SPATA4: variants seen among roughly 807,000 people sequenced by gnomAD.
SPATA4 encodes the protein spermatogenesis-associated protein 4.
Under a neutral mutation model 31.8 loss-of-function variants are expected in SPATA4, and 35 were observed. The ratio of observed to expected loss-of-function variants is 1.10; its 90% CI spans 0.84 to 1.46. The LOEUF (loss-of-function observed/expected upper bound fraction) is 1.46, where lower values mean the gene tolerates loss of function less well. Ranked by LOEUF, SPATA4 falls within the 40% of genes most tolerant of loss-of-function variation. SPATA4 has a pLI of 0.00. For missense variants in SPATA4, 394 were observed against 363.1 expected, an observed-to-expected ratio of 1.09 and a Z score of -0.69; for synonymous variants, 126 against 132.4, an observed-to-expected ratio of 0.95 and a Z score of 0.33.
chr4:176,184,771 A>G lies in SPATA4; in HGVS notation c.*9T>C. ...CATCACTTCTTCAAAGCCATTTGACAGGTGCTTTTCAAGGTTTCTTGTCCA... is the reference window on the plus strand; with the variant it reads ...CATCACTTCTTCAAAGCCATTTGACGGGTGCTTTTCAAGGTTTCTTGTCCA... On this transcript the variant is annotated 3_prime_UTR_variant, in exon 6 of 6. Coordinates refer to ENST00000280191, the MANE Select transcript of SPATA4 (RefSeq NM_144644.4). The G allele has an allele frequency of 6.4e-7, 1 of 1,554,964 alleles. No individual in the cohort carries two copies. The highest frequency in any genetic ancestry group is 8.8e-7 in the Non-Finnish European group (1 of 1,141,324).
Position 176,192,747 on chromosome 4 carries a change from C to T in SPATA4, c.568G>A (p.Asp190Asn). ...SRSTVSKSIK[D>N]NIRLSELLSN... ...AGTAATTCTGATAACCTAATGTTAT[C>T]TTTAATAGACTTCGAAACTGTAGAC... Residue 190 changes from aspartate (D) to asparagine (N), a missense_variant, in exon 4 of 6, where the codon GAT (aspartate) becomes AAT (asparagine). By Grantham distance (23) the Asp-to-Asn change is conservative (BLOSUM62 1). Coordinates refer to ENST00000280191, the MANE Select transcript of SPATA4 (RefSeq NM_144644.4). 6.2e-7 allele frequency: 1 copy of T among 1,614,092 alleles called. No homozygotes were observed. The highest frequency in any genetic ancestry group is 8.5e-7 in the Non-Finnish European group (1 of 1,179,978).
At chr4:176,195,268 C>G in intron 1 of SPATA4, 77 bp downstream of exon 1, 1 of 1,446,124 alleles carries the variant, frequency 6.9e-7, no homozygotes, top group Admixed American at 1.7e-5. Flanking sequence ...CCAGGGTAGG[C>G]AATCTGAGGC....
At chr4:176,192,168 G>T (rs913516112) in intron 4 of SPATA4, among the ~76,000 whole-genome samples, 3 of 152,190 alleles carry the variant, frequency 2.0e-5, no homozygotes, top group Non-Finnish European at 4.4e-5. Context: ...CGTCTGGAAA[G>T]TTGCCATGAT....
At chr4:176,190,029 A>C (rs973561653) in intron 4 of SPATA4, among the ~76,000 whole-genome samples, 5 of 152,068 alleles carry the variant, frequency 3.3e-5, no homozygotes, top group African/African-American at 1.2e-4. Flanking sequence ...GGCTGCGTGC[A>C]CCGGTAATTA....
At chr4:176,193,734 A>G in intron 1 of SPATA4, 152 bp from the exon 2 acceptor site, 1 of 775,890 alleles carries the variant, frequency 1.3e-6, no homozygotes, top group Non-Finnish European at 1.9e-6. Flanking sequence ...CCTACTGTGG[A>G]ATTTTGCTAA....
At chr4:176,187,462 A>T (rs935822419) in intron 5 of SPATA4, among the ~76,000 whole-genome samples, 2 of 152,012 alleles carry the variant, frequency 1.3e-5, no homozygotes, top group Non-Finnish European at 2.9e-5. Context: ...AAAATTAGCC[A>T]GGCGTGGCAC....
chr4:176,189,459 G>GA (rs5864366), intron 4 of SPATA4, among the ~76,000 whole-genome samples: 32,371 of 144,514 alleles, frequency 0.22, 3,976 homozygotes, highest in Admixed American at 0.37. Flanking sequence ...CAGAAAAAGA[G>GA]AAAAAAAAAA....
intron 4 of SPATA4, among the ~76,000 whole-genome samples, chr4:176,190,776 G>A (rs1370148606): frequency 2.6e-5 from 4 of 152,118 alleles, no homozygotes; most frequent in Non-Finnish European, 5.9e-5. Context: ...TCCTACATGT[G>A]TCTTGATTCC....
intron 5 of SPATA4, among the ~76,000 whole-genome samples, chr4:176,185,522 T>G (rs1752426844): frequency 6.6e-6 from 1 of 152,186 alleles, no homozygotes; most frequent in Non-Finnish European, 1.5e-5. Context: ...AGCCTGTGAT[T>G]TCAGTGCCAT....
intron 4 of SPATA4, among the ~76,000 whole-genome samples, chr4:176,189,082 T>G (rs1752488645): frequency 6.6e-6 from 1 of 152,168 alleles, no homozygotes; most frequent in South Asian, 2.1e-4. Context: ...AAAGAAAAAA[T>G]GTGTTCAAAA....
At chr4:176,195,319 G>T (rs371326588) in intron 1 of SPATA4, 26 bp downstream of exon 1, 124 of 1,611,264 alleles carry the variant, frequency 7.7e-5, no homozygotes, top group Middle Eastern at 3.3e-4. Context: ...CCACCGGGGG[G>T]GCCTAGGACT....
intron 1 of SPATA4, 144 bp downstream of exon 1, chr4:176,195,201 T>C (rs1277164204): frequency 1.5e-6 from 1 of 657,124 alleles, no homozygotes; most frequent in Non-Finnish European, 2.6e-6. Context: ...TGTTCCCTAA[T>C]AGTGTTTTCG....
chr4:176,192,682 C>T lies in SPATA4; in HGVS notation c.633G>A (p.Glu211=), dbSNP rs778518883. 4.3e-6 allele frequency: 7 copies of T among 1,614,052 alleles called. No homozygotes were observed. The South Asian group carries it at 5.5e-5, about 13-fold the overall frequency. Residue 211 remains glutamate (E), a synonymous_variant, in exon 4 of 6, where the codon GAG becomes GAA. Transcript: ENST00000280191. ...GCAACATATGTAAAAGGATGAGGAA[C>T]TCCGCTTTAAGTTCATTGGTCAGCA... is the stretch of plus-strand genomic sequence containing the variant. The part of the protein sequence containing the change: ...PNMLTNELKA[E]FLILLHMLQR...
chr4:176,192,863 A>G lies in SPATA4; in HGVS notation c.468-16T>C. 1 of 1,607,112 alleles carries G rather than the reference A, an allele frequency of 6.2e-7. No individual in the cohort carries two copies. The highest frequency in any genetic ancestry group is 8.5e-7 in the Non-Finnish European group (1 of 1,176,620). The stretch of plus-strand genomic sequence containing the variant: ...ACTTTTAATTCTGGAAATAAAAAAT[A>G]AAATACTGTTGACAAGCAACATTTT... On this transcript the variant is annotated splice_polypyrimidine_tract_variant and intron_variant, in intron 3 of 5. Transcript: ENST00000280191.
intron 5 of SPATA4, among the ~76,000 whole-genome samples, chr4:176,186,418 A>G (rs540851070): frequency 6.6e-6 from 1 of 152,040 alleles, no homozygotes; most frequent in African/African-American, 2.4e-5. Context: ...TCCTATGCTC[A>G]CCCTACCACT....
In SPATA4 at chr4:176,188,167, G is replaced by C. The variant is rs770387558; in HGVS notation, c.757C>G (p.Arg253Gly). Residue 253 changes from arginine (R) to glycine (G), a missense_variant, in exon 5 of 6, where the codon CGC (arginine) becomes GGC (glycine). Coordinates refer to ENST00000280191, the MANE Select transcript of SPATA4 (RefSeq NM_144644.4). ...CTTTTAACTTTTAAATTATATCTGCGCCCAGAGGCTTGGGCAGGAAGGTGA... is the reference window on the plus strand; with the variant it reads ...CTTTTAACTTTTAAATTATATCTGCCCCCAGAGGCTTGGGCAGGAAGGTGA... ...LNHLPAQASG[R>G]RYNLKVKRGR... The C allele has an allele frequency of 5.0e-6, 8 of 1,613,372 alleles. No homozygotes were observed. In the African/African-American group the frequency reaches 5.3e-5, roughly 11 times the overall value.
intron 1 of SPATA4, chr4:176,193,787 C>A (rs768532249): frequency 2.6e-5 from 11 of 421,238 alleles, no homozygotes; most frequent in South Asian, 4.8e-5. Context: ...TTTGATGAAC[C>A]CAAACTGTTA....
chr4:176,195,290 C>T (rs1011364345), intron 1 of SPATA4, 55 bp downstream of exon 1: 5 of 1,585,544 alleles, frequency 3.2e-6, no homozygotes, highest in Middle Eastern at 1.7e-4. Context: ...TGGCAGGCGG[C>T]GGAAAGCAGG....
intron 5 of SPATA4, among the ~76,000 whole-genome samples, chr4:176,186,351 T>TA (rs1284723026): frequency 6.6e-6 from 1 of 152,168 alleles, no homozygotes; most frequent in Non-Finnish European, 1.5e-5. Context: ...GCAAGCAAGT[T>TA]AAACACAAAA....
Sources: allele counts gnomAD v4.1 joint callset (sites outside exome capture counted in the v4.1 genomes callset), GRCh38; gene constraint gnomAD v4.1.1; transcripts MANE v1.5; gene names NCBI Gene and HGNC (gene_info 2026-07-23, HGNC 2026-07-21).